The following AFF2 variants were observed in gnomAD, a reference collection of about 807,000 sequenced individuals.
The protein encoded by AFF2 is ALF transcription elongation factor 2.
In AFF2, 14 loss-of-function variants were observed where a neutral mutation model predicts 76.9. The observed-to-expected ratio is 0.18, with a 90% CI of 0.12 to 0.28. The LOEUF is 0.28. Among genes scored for constraint, AFF2 ranks in the 10% least tolerant of loss-of-function variants. AFF2 has a pLI of 1.00. For synonymous variants in AFF2, 398 were observed against 366.7 expected, an observed-to-expected ratio of 1.09 and a Z score of -0.98; for missense variants, 868 against 1,001.1, an observed-to-expected ratio of 0.87 and a Z score of 1.79.
chrX:148,757,803 T>C (rs2069392499), intron 3 of AFF2, among the ~76,000 whole-genome samples: 1 of 112,132 alleles, frequency 8.9e-6, no homozygotes, highest in South Asian at 3.7e-4. Context: ...ATTTTTGTTC[T>C]TATGCTTTAT....
chrX:148,539,671 T>A (rs781791242), intron 1 of AFF2, among the ~76,000 whole-genome samples: 70 of 110,955 alleles, frequency 6.3e-4, no homozygotes, highest in African/African-American at 1.7e-3. Context: ...TCTTTTTTTT[T>A]TAAAAAAATA....
intron 1 of AFF2, among the ~76,000 whole-genome samples, chrX:148,542,918 C>A (rs887531761): frequency 8.9e-6 from 1 of 111,907 alleles, no homozygotes; most frequent in Non-Finnish European, 1.9e-5. Context: ...TGGAACTTTT[C>A]CCTCCAAACC....
intron 3 of AFF2, among the ~76,000 whole-genome samples, chrX:148,664,166 G>A (rs1379833199): frequency 1.8e-5 from 2 of 111,292 alleles, no homozygotes; most frequent in East Asian, 2.8e-4. Context: ...AGGCAGATCT[G>A]ACCATGTCAC....
intron 1 of AFF2, among the ~76,000 whole-genome samples, chrX:148,511,317 G>A (rs2052479799): frequency 9.0e-6 from 1 of 111,533 alleles, no homozygotes; most frequent in African/African-American, 3.3e-5. Flanking sequence ...GTACAAAGGG[G>A]GGATAACAGA....
intron 3 of AFF2, among the ~76,000 whole-genome samples, chrX:148,736,949 T>C (rs1284597182): frequency 2.7e-5 from 3 of 111,531 alleles, no homozygotes; most frequent in Admixed American, 1.9e-4. Context: ...ATTTCTAGGT[T>C]CTCTATTTTA....
intron 9 of AFF2, among the ~76,000 whole-genome samples, chrX:148,906,801 A>T (rs1045295510): frequency 3.6e-5 from 4 of 111,625 alleles, no homozygotes; most frequent in Non-Finnish European, 7.5e-5. Flanking sequence ...GCCATTGCAG[A>T]CCTGCCCTTG....
intron 1 of AFF2, among the ~76,000 whole-genome samples, chrX:148,586,230 G>A (rs1557245900): frequency 1.8e-5 from 2 of 111,385 alleles, no homozygotes; most frequent in Non-Finnish European, 3.8e-5. Context: ...TGAATTATAG[G>A]TTTATACATA....
chrX:148,509,460 C>T lies in AFF2; in HGVS notation c.47+8316C>T, dbSNP rs1328761897. Among the ~76,000 whole-genome samples the T allele has an allele frequency of 2.7e-5, 3 of 112,090 alleles. No homozygotes were observed. The East Asian group carries it at 8.4e-4, about 32-fold the overall frequency. On this transcript the variant is annotated intron_variant, in intron 1 of 20. Coordinates refer to ENST00000370460, the MANE Select transcript of AFF2 (RefSeq NM_002025.4). ...TTTTGCTGTGTGAATGGAGTATTCT[C>T]ATTAACACAGACCAACATTTGCTGA...
intron 1 of AFF2, among the ~76,000 whole-genome samples, chrX:148,515,796 C>T (rs1295453652): frequency 9.0e-6 from 1 of 111,129 alleles, no homozygotes; most frequent in African/African-American, 3.3e-5. Context: ...GATTCATGTC[C>T]CAGCAGTGGT....
intron 9 of AFF2, among the ~76,000 whole-genome samples, chrX:148,914,343 A>G (rs1437431988): frequency 8.9e-6 from 1 of 111,967 alleles, no homozygotes; most frequent in Non-Finnish European, 1.9e-5. Context: ...GAGTTGTAGA[A>G]TAGAAAAGAA....
At chrX:148,793,648 CCT>C (rs1301214509) in intron 3 of AFF2, among the ~76,000 whole-genome samples, 1 of 111,436 alleles carries the variant, frequency 9.0e-6, no homozygotes, top group African/African-American at 3.3e-5. Context: ...TAACAAATCC[CCT>C]GTCATGAGAG....
intron 8 of AFF2, among the ~76,000 whole-genome samples, chrX:148,888,738 A>C (rs2071189202): frequency 8.9e-6 from 1 of 111,916 alleles, no homozygotes; most frequent in Non-Finnish European, 1.9e-5. Flanking sequence ...GCCAGGCACA[A>C]GCTAGGTGTG....
chrX:148,634,178 TAA>T (rs1363111332), intron 1 of AFF2, among the ~76,000 whole-genome samples: 1 of 112,191 alleles, frequency 8.9e-6, no homozygotes, highest in Non-Finnish European at 1.9e-5. Flanking sequence ...TGAACTACAA[TAA>T]AGTGTTTCGC....
At chrX:148,616,272 A>G (rs1288141868) in intron 1 of AFF2, among the ~76,000 whole-genome samples, 1 of 111,820 alleles carries the variant, frequency 8.9e-6, no homozygotes, top group Non-Finnish European at 1.9e-5. Context: ...GATCTTGGGA[A>G]AGTCATTGAA....
At chrX:148,684,776 A>G (rs1261507794) in intron 3 of AFF2, among the ~76,000 whole-genome samples, 1 of 112,492 alleles carries the variant, frequency 8.9e-6, no homozygotes, top group Non-Finnish European at 1.9e-5. Context: ...TATTTGGTGA[A>G]ATAGAAATCA....
chrX:148,673,874 G>T (rs7052378), intron 3 of AFF2, among the ~76,000 whole-genome samples: 5,247 of 112,094 alleles, frequency 0.047, 319 homozygotes, highest in African/African-American at 0.16. Flanking sequence ...GGATAAACTG[G>T]TAAAATATAA....
intron 9 of AFF2, among the ~76,000 whole-genome samples, chrX:148,926,797 C>T (rs1382206866): frequency 8.9e-6 from 1 of 111,939 alleles, no homozygotes; most frequent in Non-Finnish European, 1.9e-5. Flanking sequence ...CGTTGATTTT[C>T]GTCAATAAAA....
intron 5 of AFF2, 89 bp downstream of exon 5, chrX:148,837,822 G>T (rs1314463075): frequency 5.2e-6 from 3 of 580,978 alleles, no homozygotes; most frequent in Non-Finnish European, 8.6e-6. Context: ...AAATGGCCTT[G>T]GTCTTCTAGT....
At chrX:148,671,012 G>C (rs782764041) in intron 3 of AFF2, among the ~76,000 whole-genome samples, 82 of 109,604 alleles carry the variant, frequency 7.5e-4, no homozygotes, top group Non-Finnish European at 1.3e-3. Context: ...TTTCTCCTAT[G>C]TATTTTTTTT....
Sources: gnomAD v4.1 joint callset for allele counts (sites outside exome capture counted in the v4.1 genomes callset) on GRCh38, gnomAD v4.1.1 for gene constraint, MANE v1.5 for transcripts, NCBI Gene and HGNC (gene_info 2026-07-23, HGNC 2026-07-21) for gene names.